The following LRRC3C variants were observed in gnomAD, a reference collection of about 807,000 sequenced individuals.
LRRC3C encodes the protein leucine-rich repeat-containing protein 3C.
LRRC3C carries 11 observed loss-of-function variants against 14.8 expected under a neutral mutation model. The ratio of observed to expected loss-of-function variants is 0.74; its 90% CI spans 0.47 to 1.23. The LOEUF (loss-of-function observed/expected upper bound fraction) is 1.23, where lower values mean the gene tolerates loss of function less well. Among genes scored for constraint, LRRC3C ranks in the 50% most tolerant of loss-of-function variants. LRRC3C has a pLI of 0.00. For synonymous variants in LRRC3C, 149 were observed against 161.5 expected (o/e 0.92, Z 0.59); for missense variants, 354 against 361.8 (o/e 0.98, Z 0.18).
intron 1 of LRRC3C, among the ~76,000 whole-genome samples, chr17:39,929,970 T>G (rs1978600691): frequency 6.6e-6 from 1 of 152,060 alleles, no homozygotes; most frequent in African/African-American, 2.4e-5. Context: ...TGAAGAAAAT[T>G]AGGACAAACA....
chr17:39,936,036 C>CT (rs1568117962), intron 2 of LRRC3C, 142 bp downstream of exon 2: 2 of 243,676 alleles, frequency 8.2e-6, no homozygotes, highest in African/African-American at 4.7e-5. Flanking sequence ...GCCTGCTGAA[C>CT]TTCTTTCCCC....
chr17:39,935,000 T>G (rs1239750217), intron 1 of LRRC3C, among the ~76,000 whole-genome samples: 1 of 152,128 alleles, frequency 6.6e-6, no homozygotes, highest in East Asian at 1.9e-4. Context: ...CCATTTTGGT[T>G]TTGATGGGTT....
At chr17:39,933,711 C>T (rs28575492) in intron 1 of LRRC3C, among the ~76,000 whole-genome samples, 154 of 151,986 alleles carry the variant, frequency 1.0e-3, no homozygotes, top group Middle Eastern at 3.4e-3. Context: ...CCAGCCTGGG[C>T]GACAGAGCAA....
chr17:39,943,514 G>C (rs1056362290), intron 3 of LRRC3C, among the ~76,000 whole-genome samples: 3 of 152,148 alleles, frequency 2.0e-5, no homozygotes, highest in Non-Finnish European at 2.9e-5. Context: ...TCCATCACGC[G>C]AGTGCCAACC....
intron 1 of LRRC3C, chr17:39,928,024 C>T (rs1322534159): frequency 2.1e-5 from 6 of 281,022 alleles, no homozygotes; most frequent in Non-Finnish European, 2.7e-5. Flanking sequence ...CAGATTGGCT[C>T]CTCCAGAAAC....
chr17:39,944,586 T>C lies in LRRC3C; in HGVS notation c.680T>C (p.Val227Ala). The C allele has an allele frequency of 6.5e-7, 1 of 1,534,868 alleles. No homozygotes were observed. The highest frequency in any genetic ancestry group is 1.4e-5 in the African/African-American group (1 of 73,112). The change falls in exon 4 of 4, where the codon GTC (valine) becomes GCC (alanine). Residue 227 changes from valine (V) to alanine (A), a missense_variant. Physicochemically the swap from Val to Ala is moderately conservative, Grantham distance 64. Coordinates refer to ENST00000377924, the MANE Select transcript of LRRC3C (RefSeq NM_001195545.2). The stretch of plus-strand genomic sequence containing the variant: ...AGGAGCACCGATGTGGCCCTGCTGG[T>C]CACCATGGGGGGCTGGCTGACACTC... ...ARRSTDVALL[V>A]TMGGWLTLMV...
intron 2 of LRRC3C, among the ~76,000 whole-genome samples, chr17:39,938,671 G>A (rs971312404): frequency 1.3e-5 from 2 of 151,790 alleles, no homozygotes; most frequent in South Asian, 2.1e-4. Context: ...ATTCCAGCCC[G>A]GGCAACACAG....
intron 3 of LRRC3C, among the ~76,000 whole-genome samples, chr17:39,942,089 G>A (rs991684154): frequency 9.2e-5 from 14 of 152,172 alleles, no homozygotes; most frequent in African/African-American, 3.4e-4. Context: ...CACAGCATAC[G>A]AGAGGAGGTG....
chr17:39,944,798 G>C lies in LRRC3C; in HGVS notation c.*64G>C. On this transcript the variant is annotated 3_prime_UTR_variant, in exon 4 of 4. Coordinates refer to ENST00000377924, the MANE Select transcript of LRRC3C (RefSeq NM_001195545.2). ...GCCCCTATGCCCTCTCCTTTGCTCT[G>C]ACCCCCTCTGCCTCCTGTGCAGCTT... 1.4e-6 allele frequency: 2 copies of C among 1,443,694 alleles called. No individual in the cohort carries two copies. Among genetic ancestry groups the C allele is most frequent in the African/African-American group, 1.4e-5 (1 of 71,226 alleles). 89.4% of individuals were successfully genotyped at this position (1,443,694 alleles called of 1,614,324 possible). A position where few individuals can be genotyped will look rare whatever the true frequency, so the allele number is the denominator to read the frequency against.
intron 1 of LRRC3C, among the ~76,000 whole-genome samples, chr17:39,932,275 G>C (rs941866343): frequency 3.3e-5 from 5 of 152,228 alleles, no homozygotes; most frequent in African/African-American, 1.2e-4. Context: ...GTCAGTAAAT[G>C]TGAAATGAAA....
intron 1 of LRRC3C, among the ~76,000 whole-genome samples, chr17:39,931,646 C>CTTTTTTTTT: frequency 1.1e-5 from 1 of 93,492 alleles, no homozygotes; most frequent in African/African-American, 4.9e-5. Flanking sequence ...ATTTTCTATA[C>CTTTTTTTTT]TTTTTTTTTT....
At chr17:39,937,628 C>A (rs72832958) in intron 2 of LRRC3C, among the ~76,000 whole-genome samples, 15,651 of 152,188 alleles carry the variant, frequency 0.1, 909 homozygotes, top group African/African-American at 0.12. Flanking sequence ...ATTTCATGCT[C>A]CCTTGCTCTT....
chr17:39,940,411 T>TTTTTTA (rs1277474859), intron 2 of LRRC3C, among the ~76,000 whole-genome samples: 2 of 152,192 alleles, frequency 1.3e-5, no homozygotes, highest in African/African-American at 4.8e-5. Flanking sequence ...CTTAAAATTC[T>TTTTTTA]TTTTTATTTT....
Position 39,938,429 on chromosome 17 carries a change from C to T in LRRC3C, c.-82+2535C>T, listed in dbSNP as rs1427761337. ...TCATGTTCAAAGTAGGGGCCAGGCA[C>T]GGTGGCTCACGCATGTAATCCCCAG... On this transcript the variant is annotated intron_variant, in intron 2 of 3. Transcript: ENST00000377924. Among the ~76,000 whole-genome samples the T allele has an allele frequency of 2.0e-5, 3 of 151,456 alleles. No individual in the cohort carries two copies. The South Asian group carries it at 6.2e-4, about 32-fold the overall frequency.
chr17:39,931,010 C>T (rs1214647977), intron 1 of LRRC3C, among the ~76,000 whole-genome samples: 13 of 150,302 alleles, frequency 8.6e-5, no homozygotes, highest in African/African-American at 2.9e-4. Context: ...GGCGTGGTGA[C>T]AGGCGCCTAT....
chr17:39,936,059 T>C (rs969300618), intron 2 of LRRC3C, among the ~76,000 whole-genome samples, 165 bp downstream of exon 2: 1 of 152,136 alleles, frequency 6.6e-6, no homozygotes, highest in East Asian at 1.9e-4. Flanking sequence ...TGGTCACATA[T>C]TGGGGATATA....
In LRRC3C at chr17:39,933,689, C is replaced by T. The variant is rs533062836; in HGVS notation, c.-174-2113C>T. 2.0e-5 allele frequency among the ~76,000 whole-genome samples: 3 copies of T among 152,088 alleles called. No homozygotes were observed. In the East Asian group the frequency reaches 5.8e-4, roughly 30 times the overall value. On this transcript the variant is annotated intron_variant, in intron 1 of 3. Transcript: ENST00000377924. Reference sequence around the variant, plus strand: ...CGGAGCTTGCAGTGAGCCGAGATGGCGCCACAGCACTCCAGCCTGGGCGAC... The same window carrying T: ...CGGAGCTTGCAGTGAGCCGAGATGGTGCCACAGCACTCCAGCCTGGGCGAC...
chr17:39,928,612 C>G (rs1162850871), intron 1 of LRRC3C, among the ~76,000 whole-genome samples: 1 of 152,224 alleles, frequency 6.6e-6, no homozygotes, highest in Non-Finnish European at 1.5e-5. Flanking sequence ...TGGGTAGTTT[C>G]AACTCCTTAC....
In LRRC3C at chr17:39,928,178, G is replaced by T. The variant is rs192511499; in HGVS notation, c.-175+364G>T. Reference sequence around the variant, plus strand: ...CTTGGCCCAGGCTGCCCCGGACCGGGCCACATCCTTGGCCGCCCCGCACCT... The same window carrying T: ...CTTGGCCCAGGCTGCCCCGGACCGGTCCACATCCTTGGCCGCCCCGCACCT... On this transcript the variant is annotated intron_variant, in intron 1 of 3. Coordinates refer to ENST00000377924, the MANE Select transcript of LRRC3C (RefSeq NM_001195545.2). 3.9e-5 allele frequency among the ~76,000 whole-genome samples: 6 copies of T among 152,150 alleles called. No homozygotes were observed. In the East Asian group the frequency reaches 1.2e-3, roughly 29 times the overall value.
Sources: allele counts gnomAD v4.1 joint callset (sites outside exome capture counted in the v4.1 genomes callset), GRCh38; gene constraint gnomAD v4.1.1; transcripts MANE v1.5; gene names NCBI Gene and HGNC (gene_info 2026-07-23, HGNC 2026-07-21).